The following ASIC2 variants were observed in gnomAD, a reference collection of about 807,000 sequenced individuals.
ASIC2 encodes the protein acid sensing ion channel subunit 2, also known as acid-sensing ion channel 2.
ASIC2 carries 25 observed loss-of-function variants against 57.3 expected under a neutral mutation model. The ratio of observed to expected loss-of-function variants is 0.44; its 90% CI spans 0.32 to 0.61. ASIC2 has a LOEUF of 0.61. ASIC2 is among the 20% of genes least tolerant of loss of function. The pLI, the probability that ASIC2 is intolerant of heterozygous loss-of-function variation, is 0.06. For missense variants in ASIC2, 641 were observed against 738.1 expected (o/e 0.87, Z 1.52); for synonymous variants, 319 against 307.5 (o/e 1.04, Z -0.39).
At chr17:34,063,573 C>A (rs1394951647) in intron 1 of ASIC2, among the ~76,000 whole-genome samples, 1 of 152,108 alleles carries the variant, frequency 6.6e-6, no homozygotes, top group East Asian at 1.9e-4. Flanking sequence ...AAGAGGAAGT[C>A]AAACTGTCAC....
intron 1 of ASIC2, among the ~76,000 whole-genome samples, chr17:33,958,562 G>T (rs759694499): frequency 7.2e-5 from 11 of 152,154 alleles, no homozygotes; most frequent in Non-Finnish European, 1.3e-4. Flanking sequence ...CTGTACCTTG[G>T]CTCCTTTTAA....
chr17:33,611,609 C>T (rs1001457), intron 1 of ASIC2, among the ~76,000 whole-genome samples: 67,581 of 152,074 alleles, frequency 0.44, 15,329 homozygotes, highest in Middle Eastern at 0.54. Flanking sequence ...ATTTGCTCCA[C>T]GTATTCTTAT....
chr17:34,043,585 C>T (rs62058974), intron 1 of ASIC2, among the ~76,000 whole-genome samples: 19 of 152,236 alleles, frequency 1.2e-4, no homozygotes, highest in Non-Finnish European at 2.4e-4. Flanking sequence ...GGTCACAATT[C>T]TGCAAGGATA....
chr17:33,911,431 G>C (rs1396739652), intron 1 of ASIC2, among the ~76,000 whole-genome samples: 1 of 152,132 alleles, frequency 6.6e-6, no homozygotes, highest in Non-Finnish European at 1.5e-5. Context: ...CCATGCTGAG[G>C]TATTCTCATC....
At chr17:33,541,045 C>A (rs1004012743) in intron 1 of ASIC2, among the ~76,000 whole-genome samples, 28 of 151,672 alleles carry the variant, frequency 1.8e-4, no homozygotes, top group African/African-American at 6.8e-4. Flanking sequence ...CAAAAGAGAT[C>A]TGACTGGGCA....
chr17:34,144,559 G>A (rs914186438), intron 1 of ASIC2, among the ~76,000 whole-genome samples: 1 of 152,104 alleles, frequency 6.6e-6, no homozygotes, highest in African/African-American at 2.4e-5. Context: ...TTCCACATCT[G>A]GGATAACTTT....
intron 2 of ASIC2, among the ~76,000 whole-genome samples, chr17:33,094,659 A>G (rs1182503219): frequency 6.6e-6 from 1 of 152,182 alleles, no homozygotes; most frequent in African/African-American, 2.4e-5. Context: ...GCAAGTGCAT[A>G]GGGATGGAGA....
chr17:33,600,300 G>A (rs1418422529), intron 1 of ASIC2, among the ~76,000 whole-genome samples: 1 of 152,216 alleles, frequency 6.6e-6, no homozygotes, highest in Admixed American at 6.5e-5. Context: ...GATGCCTTCT[G>A]CATGTTATGA....
intron 1 of ASIC2, among the ~76,000 whole-genome samples, chr17:33,930,617 A>C (rs1202618869): frequency 6.6e-6 from 1 of 152,226 alleles, no homozygotes; most frequent in Non-Finnish European, 1.5e-5. Context: ...CCCTGTAGGA[A>C]GCCAGGTAAA....
chr17:33,482,381 T>C (rs1913434556), intron 1 of ASIC2, among the ~76,000 whole-genome samples: 1 of 152,224 alleles, frequency 6.6e-6, no homozygotes, highest in Admixed American at 6.5e-5. Context: ...CTCACTTGAT[T>C]TCTGCACCAC....
In ASIC2 at chr17:33,227,013, T is replaced by TA. The variant is rs201668184; in HGVS notation, c.708+64394_708+64395insT. Among the ~76,000 whole-genome samples the TA allele has an allele frequency of 3.5e-4, 53 of 152,208 alleles. 1 individual carries two copies. The highest frequency in any genetic ancestry group is 1.3e-3 in the African/African-American group (52 of 41,522). On this transcript the variant is annotated intron_variant, in intron 1 of 9. Transcript: ENST00000225823. Reference sequence around the variant, plus strand: ...ATTGAAAAAAAGGTCAATAACTTTTTTTTCAAGCCTTTCAAGCATTTGAAA... The same window carrying TA: ...ATTGAAAAAAAGGTCAATAACTTTTTATTTCAAGCCTTTCAAGCATTTGAAA...
chr17:33,997,014 T>C (rs1906182169), intron 1 of ASIC2, among the ~76,000 whole-genome samples: 1 of 152,220 alleles, frequency 6.6e-6, no homozygotes, highest in African/African-American at 2.4e-5. Context: ...TTTATTTGTG[T>C]CTTCAGTTCC....
intron 1 of ASIC2, among the ~76,000 whole-genome samples, chr17:33,716,296 G>C (rs901520726): frequency 6.6e-6 from 1 of 152,056 alleles, no homozygotes; most frequent in African/African-American, 2.4e-5. Context: ...TGGATCTTAC[G>C]GATAAAGACT....
chr17:33,348,900 G>A (rs1455621640), intron 1 of ASIC2, among the ~76,000 whole-genome samples: 1 of 152,180 alleles, frequency 6.6e-6, no homozygotes, highest in Non-Finnish European at 1.5e-5. Flanking sequence ...AATAAGCAAA[G>A]CAGGCTGGGC....
intron 1 of ASIC2, among the ~76,000 whole-genome samples, chr17:33,862,897 C>T (rs1357268709): frequency 3.3e-5 from 5 of 152,178 alleles, no homozygotes; most frequent in Admixed American, 3.3e-4. Context: ...ACCAGTGGTT[C>T]ACCAAGCAGC....
intron 1 of ASIC2, among the ~76,000 whole-genome samples, chr17:34,044,471 G>T (rs1407796056): frequency 6.6e-6 from 1 of 152,152 alleles, no homozygotes; most frequent in African/African-American, 2.4e-5. Context: ...ACGGAGAGGT[G>T]GGGGAAGAAG....
intron 1 of ASIC2, among the ~76,000 whole-genome samples, chr17:33,687,317 G>A (rs1908226375): frequency 6.6e-6 from 1 of 152,188 alleles, no homozygotes; most frequent in Non-Finnish European, 1.5e-5. Context: ...AGAGGATCAG[G>A]TGGAAGTTGG....
chr17:33,305,656 T>C (rs1295528788), intron 1 of ASIC2, among the ~76,000 whole-genome samples: 1 of 152,214 alleles, frequency 6.6e-6, no homozygotes, highest in Admixed American at 6.5e-5. Flanking sequence ...CTCACAATGA[T>C]GATCTTGGGC....
chr17:34,011,558 C>CTCCCTAGCCCATCTCTCCT (rs1906761789), intron 1 of ASIC2, among the ~76,000 whole-genome samples: 2 of 152,016 alleles, frequency 1.3e-5, no homozygotes, highest in African/African-American at 4.8e-5. Context: ...CCCCGCCCTC[C>CTCCCTAGCCCATCTCTCCT]TCCCTAGCCC....
Sources: gnomAD v4.1 joint callset for allele counts (sites outside exome capture counted in the v4.1 genomes callset) on GRCh38, gnomAD v4.1.1 for gene constraint, MANE v1.5 for transcripts, NCBI Gene and HGNC (gene_info 2026-07-23, HGNC 2026-07-21) for gene names.